Variants in CCDC178 observed in about 807,000 individuals in gnomAD.
CCDC178 encodes the protein coiled-coil domain containing 178, also known as coiled-coil domain-containing protein 178.
Under a neutral mutation model 117.4 loss-of-function variants are expected in CCDC178, and 126 were observed. The observed-to-expected ratio is 1.07, with a 90% confidence interval of 0.93 to 1.24. The LOEUF is 1.24. CCDC178 is among the 50% of genes most tolerant of loss of function. The pLI, the probability that CCDC178 is intolerant of heterozygous loss-of-function variation, is 0.00. For synonymous variants in CCDC178, 283 were observed against 313.4 expected (o/e 0.90, Z 1.02); for missense variants, 1,030 against 986.9 (o/e 1.04, Z -0.59).
At chr18:33,150,597 A>G (rs572682260) in intron 20 of CCDC178, among the ~76,000 whole-genome samples, 4 of 152,334 alleles carry the variant, frequency 2.6e-5, no homozygotes, top group African/African-American at 9.6e-5. Flanking sequence ...GAAGATATGC[A>G]AACAGCCAAC....
chr18:32,987,060 A>G (rs2055278953), intron 21 of CCDC178, among the ~76,000 whole-genome samples: 1 of 151,944 alleles, frequency 6.6e-6, no homozygotes, highest in South Asian at 2.1e-4. Flanking sequence ...AAAGTCTTCA[A>G]TCAACTAAAA....
chr18:33,355,626 T>A, intron 7 of CCDC178, among the ~76,000 whole-genome samples: 1 of 152,226 alleles, frequency 6.6e-6, no homozygotes, highest in South Asian at 2.1e-4. Context: ...TTTTCCTTCA[T>A]GTATCTATCT....
At chr18:33,056,250 G>C (rs2056828225) in intron 21 of CCDC178, among the ~76,000 whole-genome samples, 1 of 152,186 alleles carries the variant, frequency 6.6e-6, no homozygotes, top group South Asian at 2.1e-4. Flanking sequence ...GGATGAGCAG[G>C]GGTCAGTTCA....
intron 6 of CCDC178, among the ~76,000 whole-genome samples, chr18:33,364,757 A>G (rs948741266): frequency 6.8e-6 from 1 of 146,172 alleles, no homozygotes; most frequent in African/African-American, 2.5e-5. Flanking sequence ...TTTTGCAAAG[A>G]AAGAAATGAG....
chr18:33,062,866 C>T (rs1332453300), intron 21 of CCDC178, among the ~76,000 whole-genome samples: 1 of 150,610 alleles, frequency 6.6e-6, no homozygotes, highest in Non-Finnish European at 1.5e-5. Flanking sequence ...ACCTAGATGC[C>T]GAAGTGTCAC....
chr18:33,396,619 G>A (rs1209006415), intron 4 of CCDC178, among the ~76,000 whole-genome samples: 2 of 152,086 alleles, frequency 1.3e-5, no homozygotes, highest in Non-Finnish European at 2.9e-5. Context: ...TGTTGAACAA[G>A]GGCAGCAACA....
At chr18:33,336,414 A>G (rs1046368502) in intron 9 of CCDC178, among the ~76,000 whole-genome samples, 4 of 152,148 alleles carry the variant, frequency 2.6e-5, no homozygotes, top group African/African-American at 9.7e-5. Context: ...ATTTACTTCC[A>G]GAAATTTCCA....
intron 2 of CCDC178, among the ~76,000 whole-genome samples, chr18:33,430,857 G>A (rs2064205296): frequency 6.6e-6 from 1 of 151,916 alleles, no homozygotes; most frequent in Non-Finnish European, 1.5e-5. Flanking sequence ...CGGATCACAA[G>A]GTCAGGAGTT....
chr18:33,019,310 A>G (rs2056063665), intron 21 of CCDC178, among the ~76,000 whole-genome samples: 1 of 152,232 alleles, frequency 6.6e-6, no homozygotes, highest in South Asian at 2.1e-4. Context: ...GTGAATTGAT[A>G]AAAAGAACCA....
At chr18:32,966,116 T>C (rs967031637) in intron 22 of CCDC178, among the ~76,000 whole-genome samples, 1 of 151,680 alleles carries the variant, frequency 6.6e-6, no homozygotes, top group African/African-American at 2.4e-5. Flanking sequence ...TGTATATAAA[T>C]ATACAAAATA....
rs192517616 is a variant in CCDC178, at chr18:33,055,486, G to A, written c.2388+37275C>T. Among the ~76,000 whole-genome samples, 730 of 151,974 alleles carry A rather than the reference G, an allele frequency of 4.8e-3. 9 individuals are homozygous for A. Among genetic ancestry groups the A allele is most frequent in the South Asian group, 0.037 (180 of 4,826 alleles). On this transcript the variant is annotated intron_variant, in intron 21 of 22. Coordinates refer to ENST00000383096, the MANE Select transcript of CCDC178 (RefSeq NM_001105528.4). Reference sequence around the variant, plus strand: ...TGTGTAGCTGGGACAGCAGGTGCACGCCACCATGCCCCGCTAATTTTTTGC... The same window carrying A: ...TGTGTAGCTGGGACAGCAGGTGCACACCACCATGCCCCGCTAATTTTTTGC...
At chr18:33,159,753 C>A (rs187084104) in intron 20 of CCDC178, among the ~76,000 whole-genome samples, 71 of 152,190 alleles carry the variant, frequency 4.7e-4, no homozygotes, top group Non-Finnish European at 8.8e-4. Context: ...TATCTTAGGG[C>A]ACCATTATTT....
intron 2 of CCDC178, among the ~76,000 whole-genome samples, chr18:33,426,203 C>T (rs1248976388): frequency 6.6e-6 from 1 of 152,238 alleles, no homozygotes; most frequent in African/African-American, 2.4e-5. Flanking sequence ...GCCACTGCGC[C>T]TGGCCTAACT....
At chr18:33,347,157 G>A (rs1568165801) in intron 8 of CCDC178, among the ~76,000 whole-genome samples, 1 of 152,122 alleles carries the variant, frequency 6.6e-6, no homozygotes, top group Non-Finnish European at 1.5e-5. Context: ...TAGGACTGAT[G>A]CCTATAAACA....
chr18:33,044,961 T>C (rs1046855187), intron 21 of CCDC178, among the ~76,000 whole-genome samples: 55 of 152,058 alleles, frequency 3.6e-4, no homozygotes, highest in Middle Eastern at 6.3e-3. Flanking sequence ...AGCCAAACAA[T>C]GGCTACATAT....
At position 33,287,634 on chromosome 18, in the gene CCDC178, G is replaced by T. The variant is rs1730564288; in HGVS notation, c.1176+5525C>A. ...TCTCTACCAAAAATACAAAAAATTA[G>T]TTGGGTATGGTGGCTCACACCTGTA... On this transcript the variant is annotated intron_variant, in intron 12 of 22. Transcript: ENST00000383096. Among the ~76,000 whole-genome samples the T allele has an allele frequency of 2.6e-5, 4 of 152,150 alleles. No individual in the cohort carries two copies. The East Asian group carries it at 7.8e-4, about 30-fold the overall frequency.
At chr18:33,245,194 T>G in intron 15 of CCDC178, 51 bp downstream of exon 15, 1 of 1,402,536 alleles carries the variant, frequency 7.1e-7, no homozygotes, top group Non-Finnish European at 9.5e-7. Flanking sequence ...ACAATTCAGG[T>G]AAATTACTCT....
intron 20 of CCDC178, among the ~76,000 whole-genome samples, chr18:33,094,514 T>C (rs2057514006): frequency 6.6e-6 from 1 of 151,952 alleles, no homozygotes; most frequent in South Asian, 2.1e-4. Context: ...AGCACAACTC[T>C]GATATCTGAG....
chr18:33,075,784 C>T (rs563965274), intron 21 of CCDC178, among the ~76,000 whole-genome samples: 4 of 152,100 alleles, frequency 2.6e-5, no homozygotes, highest in African/African-American at 9.6e-5. Context: ...GCCTGGCCAA[C>T]ATGGTGAAAC....
Sources: allele counts gnomAD v4.1 joint callset (sites outside exome capture counted in the v4.1 genomes callset), GRCh38; gene constraint gnomAD v4.1.1; transcripts MANE v1.5; gene names NCBI Gene and HGNC (gene_info 2026-07-23, HGNC 2026-07-21).